Variants in ARMC2 observed in about 807,000 individuals in gnomAD.
ARMC2 encodes armadillo repeat-containing protein 2.
Under a neutral mutation model 90.3 loss-of-function variants are expected in ARMC2, and 67 were observed. That is an observed-to-expected ratio of 0.74 (90% CI 0.61 to 0.91). ARMC2 has a LOEUF of 0.91. Ranked by LOEUF, ARMC2 falls within the 40% of genes least tolerant of loss-of-function variation. The pLI is 0.00. For synonymous variants in ARMC2, 393 were observed against 393.0 expected (o/e 1.00, Z 0.00); for missense variants, 920 against 1,030.9 (o/e 0.89, Z 1.47).
In ARMC2 at chr6:108,964,635, G is replaced by A. The variant is rs1242643127; in HGVS notation, c.2285+323G>A. On this transcript the variant is annotated intron_variant, in intron 16 of 17. Coordinates refer to ENST00000392644, the MANE Select transcript of ARMC2 (RefSeq NM_032131.6). ...CTAAAAAGACAAAAATTAGCCAGGC[G>A]TTGTGGCACACGCCTGTAATCCCAG... Among the ~76,000 whole-genome samples the A allele has an allele frequency of 3.3e-5, 5 of 152,092 alleles. No individual in the cohort carries two copies. The South Asian group carries it at 6.2e-4, about 19-fold the overall frequency.
At chr6:108,978,306 G>C (rs545278212), downstream of ARMC2, among the ~76,000 whole-genome samples, 1 of 152,276 alleles carries the variant, frequency 6.6e-6, no homozygotes, top group South Asian at 2.1e-4. Context: ...TAGTTGAGCG[G>C]TTTTGAGTGA....
At chr6:108,918,044 A>G (rs527695047) in intron 10 of ARMC2, among the ~76,000 whole-genome samples, 3 of 152,284 alleles carry the variant, frequency 2.0e-5, no homozygotes, top group Admixed American at 2.0e-4. Context: ...AGTAGGAGAT[A>G]TGAGCTGAGG....
chr6:108,974,172 G>GTAAT lies in ARMC2; in HGVS notation c.*659_*662dup, dbSNP rs1778930281. 6.6e-6 allele frequency: 1 copy of GTAAT among 152,202 alleles called. No homozygotes were observed. The highest frequency in any genetic ancestry group is 2.4e-5 in the African/African-American group (1 of 41,446). 9.4% of individuals were successfully genotyped at this position (152,202 alleles called of 1,614,324 possible). A position where few individuals can be genotyped will look rare whatever the true frequency, so the allele number is the denominator to read the frequency against. The stretch of plus-strand genomic sequence containing the variant: ...TAACTCTCTGTGTTTGACAGGTGAG[G>GTAAT]TAATGTATTAGAAAGAATGCAGGCT... On this transcript the variant is annotated 3_prime_UTR_variant, in exon 18 of 18. Transcript: ENST00000392644.
chr6:108,871,232 A>G (rs1776380672), intron 4 of ARMC2, among the ~76,000 whole-genome samples: 1 of 152,128 alleles, frequency 6.6e-6, no homozygotes, highest in Non-Finnish European at 1.5e-5. Context: ...CCAGGGCCTC[A>G]GAATATGGAA....
At chr6:108,885,671 CGCAAAA>C (rs1778021579) in intron 5 of ARMC2, among the ~76,000 whole-genome samples, 2 of 135,804 alleles carry the variant, frequency 1.5e-5, no homozygotes, top group South Asian at 5.2e-4. Context: ...GAGACTCTGT[CGCAAAA>C]AAAAAAAGAA....
At chr6:109,044,937 C>T in the ARMC2 span, among the ~76,000 whole-genome samples, 2 of 151,832 alleles carry the variant, frequency 1.3e-5, no homozygotes, top group African/African-American at 2.4e-5. Flanking sequence ...GCAAGAGAAT[C>T]GGTTGAACCC....
At chr6:109,046,223 G>C in the ARMC2 span, among the ~76,000 whole-genome samples, 8 of 149,808 alleles carry the variant, frequency 5.3e-5, no homozygotes, top group African/African-American at 1.7e-4. Context: ...CCTGCCGAGT[G>C]CCTGCGATTG....
At position 108,910,956 on chromosome 6, in the gene ARMC2, AGG is replaced by A. The variant is rs1471593421; in HGVS notation, c.1082_1083del (p.Arg361LysfsTer2). 5 of 1,585,208 alleles carry A rather than the reference AGG, an allele frequency of 3.2e-6. No homozygotes were observed. In the African/African-American group the frequency reaches 6.7e-5, roughly 21 times the overall value. On this transcript the variant is annotated frameshift_variant, in exon 9 of 18. Coordinates refer to ENST00000392644, the MANE Select transcript of ARMC2 (RefSeq NM_032131.6). LOFTEE classifies it high-confidence loss of function. ...NVCKLIFKISRNEKNDSLIQN... is the reference protein window; with the variant it reads ...NVCKLIFKISXNEKNDSLIQN... Reference sequence around the variant, plus strand: ...CTGCAAACTTATATTTAAAATTAGCAGGAATGAGAAGAATGATTCTTTGATTC... The same window carrying A: ...CTGCAAACTTATATTTAAAATTAGCAAATGAGAAGAATGATTCTTTGATTC...
the ARMC2 span, among the ~76,000 whole-genome samples, chr6:109,048,998 T>G: frequency 6.6e-6 from 1 of 152,228 alleles, no homozygotes; most frequent in Non-Finnish European, 1.5e-5. Flanking sequence ...TTTGTCCTTT[T>G]TGCTTAGCAC....
chr6:108,902,795 GATA>G (rs1307450841), intron 7 of ARMC2, among the ~76,000 whole-genome samples: 1 of 152,110 alleles, frequency 6.6e-6, no homozygotes, highest in Non-Finnish European at 1.5e-5. Context: ...ATCTATCAGA[GATA>G]ATATTATTTG....
intron 5 of ARMC2, among the ~76,000 whole-genome samples, chr6:108,885,679 A>C (rs1289437111): frequency 1.3e-5 from 2 of 152,158 alleles, no homozygotes; most frequent in South Asian, 4.2e-4. Context: ...GTCGCAAAAA[A>C]AAAAAGAAAA....
rs577069131 is a variant in ARMC2 at position 108,930,217 on chromosome 6, T to C, written c.1496+1984T>C. 2.4e-3 allele frequency among the ~76,000 whole-genome samples: 360 copies of C among 152,328 alleles called. 1 individual carries two copies. Among genetic ancestry groups the C allele is most frequent in the Non-Finnish European group, 4.1e-3 (277 of 68,038 alleles). On this transcript the variant is annotated intron_variant, in intron 11 of 17. Coordinates refer to ENST00000392644, the MANE Select transcript of ARMC2 (RefSeq NM_032131.6). ...GCATTGATAGCTCTTTAAAAATATT[T>C]ACTTATTTATTTATGTATTTTAGCT...
chr6:108,899,522 A>G (rs1562366402), intron 6 of ARMC2, among the ~76,000 whole-genome samples, 172 bp from the exon 7 acceptor site: 1 of 152,192 alleles, frequency 6.6e-6, no homozygotes, highest in Non-Finnish European at 1.5e-5. Context: ...ATTTGGGGTA[A>G]TTTGATTAGA....
intron 7 of ARMC2, among the ~76,000 whole-genome samples, chr6:108,903,580 T>C (rs1470734023): frequency 1.3e-5 from 2 of 152,356 alleles, no homozygotes; most frequent in East Asian, 1.9e-4. Context: ...ATATACAGTA[T>C]TCTATACAAT....
chr6:108,976,860 G>C (rs921610217), downstream of ARMC2, among the ~76,000 whole-genome samples: 1 of 152,202 alleles, frequency 6.6e-6, no homozygotes, highest in Non-Finnish European at 1.5e-5. Context: ...TTTGTATCTT[G>C]AGACTTTGCT....
intron 5 of ARMC2, among the ~76,000 whole-genome samples, chr6:108,882,144 A>T (rs919214305): frequency 1.9e-4 from 29 of 152,102 alleles, no homozygotes; most frequent in African/African-American, 7.0e-4. Flanking sequence ...CTTAAAAAAA[A>T]AAAAGAAAGG....
At chr6:109,032,389 CG>C in the ARMC2 span, among the ~76,000 whole-genome samples, 1 of 150,982 alleles carries the variant, frequency 6.6e-6, no homozygotes, top group Non-Finnish European at 1.5e-5. Flanking sequence ...GAGGCCGAGG[CG>C]GGCAAATCAC....
the ARMC2 span, among the ~76,000 whole-genome samples, chr6:108,993,945 G>A: frequency 4.0e-5 from 6 of 151,602 alleles, no homozygotes; most frequent in African/African-American, 7.3e-5. Context: ...GAAGAGAAGC[G>A]TGGGCAATAT....
At chr6:108,897,588 C>T (rs1562364920) in intron 6 of ARMC2, among the ~76,000 whole-genome samples, 1 of 151,972 alleles carries the variant, frequency 6.6e-6, no homozygotes, top group Non-Finnish European at 1.5e-5. Flanking sequence ...TGATAAAAGG[C>T]AAGCCTGGAC....
Sources: gnomAD v4.1 joint callset for allele counts (sites outside exome capture counted in the v4.1 genomes callset) on GRCh38, gnomAD v4.1.1 for gene constraint, MANE v1.5 for transcripts, NCBI Gene and HGNC (gene_info 2026-07-23, HGNC 2026-07-21) for gene names.